CACNA2D4: variants seen among roughly 807,000 people sequenced by gnomAD.
The protein encoded by CACNA2D4 is calcium voltage-gated channel auxiliary subunit alpha2delta 4.
A neutral mutation model predicts 163.8 loss-of-function variants in CACNA2D4; 157 were observed. The observed-to-expected ratio is 0.96, with a 90% CI of 0.84 to 1.09. The LOEUF is 1.09. Ranked by LOEUF, CACNA2D4 falls within the 50% of genes least tolerant of loss-of-function variation. CACNA2D4 has a pLI of 0.00. For missense variants in CACNA2D4, 1,410 were observed against 1,479.9 expected (o/e 0.95, Z 0.78); for synonymous variants, 598 against 586.9 (o/e 1.02, Z -0.27).
At chr12:1,911,230 C>T (rs1866809162) in intron 3 of CACNA2D4, among the ~76,000 whole-genome samples, 1 of 152,056 alleles carries the variant, frequency 6.6e-6, no homozygotes, top group African/African-American at 2.4e-5. Flanking sequence ...CACGTGTTGG[C>T]CAGGATGGTC....
In CACNA2D4 at chr12:1,874,745, G is replaced by T; in HGVS notation, c.1807-70C>A. On this transcript the variant is annotated intron_variant, in intron 17 of 37. Coordinates refer to ENST00000382722, the MANE Select transcript of CACNA2D4 (RefSeq NM_172364.5). The surrounding 1 kb of genome is among the most constrained non-coding windows in gnomAD (Gnocchi z 4.4). The stretch of plus-strand genomic sequence containing the variant: ...GATGGTGAAAGTATGGCATTCTTCA[G>T]ACCAGATTAGAGGTGATCCCCAGAA... 9.0e-7 allele frequency: 1 copy of T among 1,113,020 alleles called. No homozygotes were observed. Among genetic ancestry groups the T allele is most frequent in the Non-Finnish European group, 1.4e-6 (1 of 728,590 alleles). The allele number at this position is 1,113,020 out of a possible 1,614,324, so 68.9% of individuals were successfully genotyped here.
At chr12:1,852,776 A>G (rs932048905) in intron 23 of CACNA2D4, among the ~76,000 whole-genome samples, 2 of 152,202 alleles carry the variant, frequency 1.3e-5, no homozygotes, top group Non-Finnish European at 2.9e-5. Flanking sequence ...TAGAAGGCAC[A>G]ACAGTGCAGG....
Position 1,831,050 on chromosome 12 carries a change from G to A in CACNA2D4, c.2551+9689C>T, listed in dbSNP as rs201017295. ...ACTGCAGTGGCCTTGGCCTCACCACGGTGCCCCCAGACGTGCCCGCAGCCA... is the reference window on the plus strand; with the variant it reads ...ACTGCAGTGGCCTTGGCCTCACCACAGTGCCCCCAGACGTGCCCGCAGCCA... On this transcript the variant is annotated intron_variant, in intron 26 of 37. Coordinates refer to ENST00000382722, the MANE Select transcript of CACNA2D4 (RefSeq NM_172364.5). 54 of 1,614,042 alleles carry A rather than the reference G, an allele frequency of 3.3e-5. No individual in the cohort carries two copies. In the Middle Eastern group the frequency reaches 4.9e-4, roughly 15 times the overall value.
At chr12:1,854,094 T>C (rs1312644461) in intron 22 of CACNA2D4, 50 bp from the exon 23 acceptor site, 10 of 1,342,792 alleles carry the variant, frequency 7.4e-6, no homozygotes, top group Non-Finnish European at 1.0e-5. Flanking sequence ...TCCATGCTCA[T>C]GAACACAACT....
chr12:1,810,227 C>G, intron 29 of CACNA2D4, 51 bp downstream of exon 29: 1 of 1,500,096 alleles, frequency 6.7e-7, no homozygotes, highest in Non-Finnish European at 9.3e-7. Flanking sequence ...CCCAATGTCT[C>G]CAGTCCTCCT....
Position 1,798,215 on chromosome 12 carries a change from C to A in CACNA2D4, c.2996-680G>T, listed in dbSNP as rs759696730. 6.6e-6 allele frequency among the ~76,000 whole-genome samples: 1 copy of A among 152,192 alleles called. No homozygotes were observed. The highest frequency in any genetic ancestry group is 1.5e-5 in the Non-Finnish European group (1 of 68,024). The stretch of plus-strand genomic sequence containing the variant: ...GTGCCTCAGCCCCGCTCTGCAGGAC[C>A]CGAGTCCGTTCCCTCCCGGAGCCTC... On this transcript the variant is annotated intron_variant, in intron 34 of 37. Transcript: ENST00000382722. The surrounding 1 kb of genome is among the most constrained non-coding windows in gnomAD (Gnocchi z 4.3).
chr12:1,797,633 T>A, intron 34 of CACNA2D4, 98 bp from the exon 35 acceptor site: 3 of 887,594 alleles, frequency 3.4e-6, no homozygotes, highest in Non-Finnish European at 3.6e-6. Context: ...CCCAGTGCAT[T>A]TGCAGAGGGT....
intron 18 of CACNA2D4, among the ~76,000 whole-genome samples, chr12:1,864,668 C>T (rs904861971): frequency 1.3e-5 from 2 of 152,162 alleles, no homozygotes; most frequent in African/African-American, 4.8e-5. Context: ...TGGGGATCGG[C>T]GTGTTGTTCT....
chr12:1,883,604 GCTCCCAGCAGGT>G lies in CACNA2D4; in HGVS notation c.1352-616_1352-605del, dbSNP rs1202812733. Among the ~76,000 whole-genome samples, 1 of 152,100 alleles carries G rather than the reference GCTCCCAGCAGGT, an allele frequency of 6.6e-6. No individual in the cohort carries two copies. The highest frequency in any genetic ancestry group is 1.5e-5 in the Non-Finnish European group (1 of 68,014). On this transcript the variant is annotated intron_variant, in intron 12 of 37. Transcript: ENST00000382722. This position sits in a 1 kb window ranked among gnomAD's most constrained non-coding sequence, Gnocchi z 4.5. ...CGCCAGTGAGATGCAGCACCTCTCTGCTCCCAGCAGGTCTCAGACCCTTTCAGCACACTGTTC... is the reference window on the plus strand; with the variant it reads ...CGCCAGTGAGATGCAGCACCTCTCTGCTCAGACCCTTTCAGCACACTGTTC...
At chr12:1,914,498 T>C (rs1023630622) in intron 2 of CACNA2D4, among the ~76,000 whole-genome samples, 1 of 151,994 alleles carries the variant, frequency 6.6e-6, no homozygotes, top group African/African-American at 2.4e-5. Context: ...GCACGTGCCC[T>C]CCAAGTCTCC....
intron 3 of CACNA2D4, among the ~76,000 whole-genome samples, chr12:1,910,487 A>T (rs903829445): frequency 3.7e-4 from 57 of 152,152 alleles, no homozygotes; most frequent in African/African-American, 1.3e-3. Context: ...GCAACAGGGG[A>T]TGTATGGAAA....
intron 18 of CACNA2D4, among the ~76,000 whole-genome samples, chr12:1,864,058 T>C (rs1449178785): frequency 6.6e-6 from 1 of 152,224 alleles, no homozygotes; most frequent in Non-Finnish European, 1.5e-5. Flanking sequence ...AAGACAAATG[T>C]CTGGAGTGCT....
intron 23 of CACNA2D4, among the ~76,000 whole-genome samples, chr12:1,849,754 T>C (rs1260488217): frequency 3.3e-5 from 5 of 152,258 alleles, no homozygotes; most frequent in Non-Finnish European, 5.9e-5. Flanking sequence ...TATGTGTACA[T>C]ACATATACGC....
chr12:1,857,711 G>A (rs575156201), intron 20 of CACNA2D4, among the ~76,000 whole-genome samples: 187 of 152,200 alleles, frequency 1.2e-3, no homozygotes, highest in Non-Finnish European at 1.9e-3. Context: ...TTCTCTCCCC[G>A]CCTCCACCAC....
intron 6 of CACNA2D4, among the ~76,000 whole-genome samples, chr12:1,892,340 A>G (rs1208127292): frequency 6.6e-6 from 1 of 152,252 alleles, no homozygotes; most frequent in Non-Finnish European, 1.5e-5. Flanking sequence ...CAAAGGAGAA[A>G]TAAAATATTT....
rs539585282 is a variant in CACNA2D4 at position 1,914,793 on chromosome 12, G to A, written c.309+61C>T. 6 of 1,146,820 alleles carry A rather than the reference G, an allele frequency of 5.2e-6. No homozygotes were observed. In the African/African-American group the frequency reaches 9.1e-5, roughly 17 times the overall value. 71.0% of individuals were successfully genotyped at this position (1,146,820 alleles called of 1,614,324 possible). A position where few individuals can be genotyped will look rare whatever the true frequency, so the allele number is the denominator to read the frequency against. ...GGCCCCTCACAGCACCGGCATTTGG[G>A]GGCTTCGATGGCTGACTGCCCTCTG... On this transcript the variant is annotated intron_variant, in intron 2 of 37. Transcript: ENST00000382722.
chr12:1,805,251 C>A (rs1430100307), intron 29 of CACNA2D4, among the ~76,000 whole-genome samples: 8 of 152,260 alleles, frequency 5.3e-5, no homozygotes, highest in African/African-American at 1.7e-4. Flanking sequence ...CACCCAGAAG[C>A]CTGCGGGGGA....
intron 18 of CACNA2D4, among the ~76,000 whole-genome samples, chr12:1,863,904 A>C (rs1384938188): frequency 6.6e-6 from 1 of 150,608 alleles, no homozygotes; most frequent in Non-Finnish European, 1.5e-5. Flanking sequence ...TTACAAAAAA[A>C]AAAAAATAAT....
At chr12:1,892,166 G>T (rs1414434769) in intron 6 of CACNA2D4, among the ~76,000 whole-genome samples, 1 of 152,170 alleles carries the variant, frequency 6.6e-6, no homozygotes, top group East Asian at 1.9e-4. Flanking sequence ...GCAAGGGAAA[G>T]TTGTCTAGTT....
Sources: gnomAD v4.1 joint callset for allele counts (sites outside exome capture counted in the v4.1 genomes callset) on GRCh38, gnomAD v4.1.1 for gene constraint, Gnocchi (gnomAD v3.1) non-coding constraint, MANE v1.5 for transcripts, NCBI Gene and HGNC (gene_info 2026-07-23, HGNC 2026-07-21) for gene names.